The following AFP variants were observed in gnomAD, a reference collection of about 807,000 sequenced individuals.
AFP encodes the protein alpha fetoprotein, also known as alpha-fetoprotein.
AFP carries 64 observed loss-of-function variants against 78.9 expected under a neutral mutation model. The observed-to-expected ratio is 0.81, with a 90% CI of 0.66 to 1.00. The LOEUF (loss-of-function observed/expected upper bound fraction) is 1.00. Among genes scored for constraint, AFP ranks in the 50% least tolerant of loss-of-function variants. The probability of loss-of-function intolerance (pLI) is 0.00; values close to 1 mark genes in which losing one functional copy is unlikely to be tolerated. For missense variants in AFP, 689 were observed against 703.8 expected (o/e 0.98, Z 0.24); for synonymous variants, 254 against 243.8 (o/e 1.04, Z -0.39).
At chr4:73,438,619 C>T (rs1433030808) in intron 3 of AFP, among the ~76,000 whole-genome samples, 1 of 151,976 alleles carries the variant, frequency 6.6e-6, no homozygotes, top group African/African-American at 2.4e-5. Flanking sequence ...TAATAGCTCC[C>T]ATTTCATAGT....
chr4:73,450,822 C>G (rs1719971550), intron 11 of AFP, 69 bp downstream of exon 11: 3 of 1,609,876 alleles, frequency 1.9e-6, no homozygotes, highest in Non-Finnish European at 2.5e-6. Context: ...CTCATAATTC[C>G]CCTCTAGGGA....
intron 14 of AFP, 29 bp from the exon 15 acceptor site, chr4:73,455,602 T>A (rs989597180): frequency 2.9e-6 from 2 of 685,430 alleles, no homozygotes; most frequent in African/African-American, 3.6e-5. Context: ...GTTTAATTAG[T>A]ATTTAATATA....
intron 4 of AFP, among the ~76,000 whole-genome samples, chr4:73,441,441 G>A (rs1462173655): frequency 6.6e-6 from 1 of 151,370 alleles, no homozygotes; most frequent in East Asian, 1.9e-4. Flanking sequence ...GATGGTGGGC[G>A]CCTGTAGTCC....
intron 9 of AFP, 73 bp downstream of exon 9, chr4:73,449,540 T>G: frequency 6.4e-7 from 1 of 1,562,050 alleles, no homozygotes; most frequent in South Asian, 1.1e-5. Context: ...GCTGTTTGTT[T>G]GAAAGCCTCT....
chr4:73,449,940 T>A, intron 9 of AFP, 96 bp from the exon 10 acceptor site: 1 of 765,206 alleles, frequency 1.3e-6, no homozygotes, highest in Admixed American at 2.8e-5. Flanking sequence ...CATCTCTGAT[T>A]GGTTTTATAA....
chr4:73,440,680 A>G lies in AFP; in HGVS notation c.349A>G (p.Ser117Gly). The part of the protein sequence containing the change: ...KYGHSDCCSQ[S>G]EEGRHNCFLA... The stretch of plus-strand genomic sequence containing the variant: ...CGGACATTCAGACTGCTGCAGCCAA[A>G]GTGAAGAGGGAAGACATAACTGTTT... The change falls in exon 4 of 15, where the codon AGT becomes GGT. Residue 117 changes from serine to glycine, a missense_variant. Coordinates refer to ENST00000395792, the MANE Select transcript of AFP (RefSeq NM_001134.3). 1.2e-6 allele frequency: 2 copies of G among 1,614,168 alleles called. No individual in the cohort carries two copies. Among genetic ancestry groups the G allele is most frequent in the Non-Finnish European group, 1.7e-6 (2 of 1,180,024 alleles).
At position 73,455,514 on chromosome 4, in the gene AFP, G is replaced by T. The variant is rs961319466; in HGVS notation, c.*11-117G>T. 20 of 644,626 alleles carry T rather than the reference G, an allele frequency of 3.1e-5. No homozygotes were observed. The Middle Eastern group carries it at 1.5e-3, about 49-fold the overall frequency. The allele number at this position is 644,626 out of a possible 1,614,324, so 39.9% of individuals were successfully genotyped here. A position where few individuals can be genotyped will look rare whatever the true frequency, so the allele number is the denominator to read the frequency against. On this transcript the variant is annotated intron_variant, in intron 14 of 14. Transcript: ENST00000395792. ...GGTTATTTAAAAGACTTCAACAAAT[G>T]CTATCAGAAGACTTTCCTACGTATC...
intron 13 of AFP, among the ~76,000 whole-genome samples, chr4:73,454,511 A>G (rs1381806074): frequency 6.6e-6 from 1 of 152,174 alleles, no homozygotes; most frequent in Non-Finnish European, 1.5e-5. Flanking sequence ...ATGTTTCAAT[A>G]TATTTATACA....
chr4:73,447,822 G>A (rs1405988795), intron 8 of AFP, 146 bp downstream of exon 8: 6 of 696,456 alleles, frequency 8.6e-6, no homozygotes, highest in Non-Finnish European at 1.5e-5. Flanking sequence ...AGCCAAAATA[G>A]ATTTCAGTAG....
chr4:73,437,788 G>T (rs1034740491), intron 2 of AFP, among the ~76,000 whole-genome samples: 1 of 151,874 alleles, frequency 6.6e-6, no homozygotes, highest in Non-Finnish European at 1.5e-5. Context: ...GATCATACTG[G>T]GAATAGACAC....
Position 73,437,053 on chromosome 4 carries a change from C to T in AFP, c.86-107C>T. The T allele has an allele frequency of 6.9e-6, 6 of 870,630 alleles. 1 individual carries two copies. The highest frequency in any genetic ancestry group is 5.7e-5 in the South Asian group (4 of 69,982). 53.9% of individuals were successfully genotyped at this position (870,630 alleles called of 1,614,324 possible). ...GGTTATCCCTAATGTTCTTTTAATT[C>T]TGAAACTGTACAGTTCTAACTGAAA... On this transcript the variant is annotated intron_variant, in intron 1 of 14. Transcript: ENST00000395792.
chr4:73,442,736 C>T (rs1009267555), intron 5 of AFP, among the ~76,000 whole-genome samples: 5 of 149,256 alleles, frequency 3.3e-5, no homozygotes, highest in Non-Finnish European at 5.9e-5. Flanking sequence ...TGAAAGAAAA[C>T]GGAGAAAAGG....
At chr4:73,455,490 G>T (rs1270869143) in intron 14 of AFP, 141 bp from the exon 15 acceptor site, 2 of 640,886 alleles carry the variant, frequency 3.1e-6, no homozygotes, top group Non-Finnish European at 5.5e-6. Flanking sequence ...ATCCTTTTTG[G>T]TTATTTAAAA....
chr4:73,439,277 T>C (rs1039201895), intron 3 of AFP, among the ~76,000 whole-genome samples: 24 of 152,102 alleles, frequency 1.6e-4, no homozygotes, highest in African/African-American at 5.6e-4. Context: ...TCTGTTATGG[T>C]GGGGTTAATT....
chr4:73,443,649 C>T (rs1041581815), intron 6 of AFP, among the ~76,000 whole-genome samples: 1 of 152,104 alleles, frequency 6.6e-6, no homozygotes, highest in Non-Finnish European at 1.5e-5. Flanking sequence ...TTACTAAAGC[C>T]TAGCTGAGAT....
In AFP at chr4:73,453,489, G is replaced by C. The variant is rs145043446; in HGVS notation, c.1653-276G>C. 1.1e-3 allele frequency: 426 copies of C among 395,638 alleles called. 2 individuals carry two copies. The highest frequency in any genetic ancestry group is 8.3e-3 in the African/African-American group (407 of 48,830). The allele number at this position is 395,638 out of a possible 1,614,324, so 24.5% of individuals were successfully genotyped here. On this transcript the variant is annotated intron_variant, in intron 12 of 14. Coordinates refer to ENST00000395792, the MANE Select transcript of AFP (RefSeq NM_001134.3). Reference sequence around the variant, plus strand: ...CGGACAGGAAAGGATATTCCTGGGGGATGAGGGGAGATTGCCTTCCACTAC... The same window carrying C: ...CGGACAGGAAAGGATATTCCTGGGGCATGAGGGGAGATTGCCTTCCACTAC...
At chr4:73,443,235 C>T (rs1719721072) in intron 5 of AFP, 112 bp from the exon 6 acceptor site, 1 of 812,384 alleles carries the variant, frequency 1.2e-6, no homozygotes, top group Admixed American at 2.3e-5. Context: ...TAGTAAAAAA[C>T]ATATTTTATG....
chr4:73,450,812 C>T (rs1331853854), intron 11 of AFP, 59 bp downstream of exon 11: 2 of 1,611,088 alleles, frequency 1.2e-6, no homozygotes, highest in East Asian at 2.2e-5. Flanking sequence ...TTGAAATAGC[C>T]TCATAATTCC....
rs746071242 is a variant in AFP, at chr4:73,450,016, T to C, written c.1192-20T>C. 2.5e-6 allele frequency: 4 copies of C among 1,569,002 alleles called. No individual in the cohort carries two copies. Among genetic ancestry groups the C allele is most frequent in the Non-Finnish European group, 3.5e-6 (4 of 1,142,054 alleles). The stretch of plus-strand genomic sequence containing the variant: ...ATCCAAGAAAAGAAAAATGTATATG[T>C]AATAATTCTTCATTTTCAGGAAGAA... On this transcript the variant is annotated intron_variant, in intron 9 of 14. Coordinates refer to ENST00000395792, the MANE Select transcript of AFP (RefSeq NM_001134.3).
Sources: gnomAD v4.1 joint callset for allele counts (sites outside exome capture counted in the v4.1 genomes callset) on GRCh38, gnomAD v4.1.1 for gene constraint, MANE v1.5 for transcripts, NCBI Gene and HGNC (gene_info 2026-07-23, HGNC 2026-07-21) for gene names.